Variants in NALF1 observed in about 807,000 individuals in gnomAD.
The protein encoded by NALF1 is NALCN channel auxiliary factor 1, also known as family with sequence similarity 155 member A.
NALF1 carries 3 observed loss-of-function variants against 48.4 expected under a neutral mutation model. The ratio of observed to expected loss-of-function variants is 0.06; its 90% CI spans 0.03 to 0.16. The LOEUF is 0.16. Ranked by LOEUF, NALF1 falls within the 10% of genes least tolerant of loss-of-function variation. The probability of loss-of-function intolerance (pLI) is 1.00; values close to 1 mark genes in which losing one functional copy is unlikely to be tolerated. For missense variants in NALF1, 526 were observed against 571.5 expected, an observed-to-expected ratio of 0.92 and a Z score of 0.81; for synonymous variants, 262 against 245.7, an observed-to-expected ratio of 1.07 and a Z score of -0.62.
intron 1 of NALF1, among the ~76,000 whole-genome samples, chr13:107,260,324 T>G (rs540150639): frequency 6.6e-6 from 1 of 152,308 alleles, no homozygotes; most frequent in African/African-American, 2.4e-5. Flanking sequence ...AAGACTGAGG[T>G]TTAAAACGGT....
At chr13:107,764,677 G>A (rs1007106190) in intron 1 of NALF1, among the ~76,000 whole-genome samples, 1 of 152,218 alleles carries the variant, frequency 6.6e-6, no homozygotes, top group Admixed American at 6.5e-5. Context: ...AATGCATCAT[G>A]GTTAATATTG....
chr13:107,513,972 G>A (rs1413255812), intron 1 of NALF1, among the ~76,000 whole-genome samples: 1 of 152,078 alleles, frequency 6.6e-6, no homozygotes, highest in Non-Finnish European at 1.5e-5. Flanking sequence ...TTATGGAGAG[G>A]GCACCAGAAG....
At chr13:107,690,084 G>T (rs1404162701) in intron 1 of NALF1, among the ~76,000 whole-genome samples, 2 of 152,148 alleles carry the variant, frequency 1.3e-5, no homozygotes, top group Non-Finnish European at 2.9e-5. Flanking sequence ...ATCCTTGCAA[G>T]TAAGTCTTAT....
chr13:107,654,754 A>G (rs1880534161), intron 1 of NALF1, among the ~76,000 whole-genome samples: 2 of 152,086 alleles, frequency 1.3e-5, no homozygotes, highest in Admixed American at 1.3e-4. Context: ...CCTCAATAAA[A>G]TACTAGCAAA....
At chr13:107,403,691 G>A (rs1255805400) in intron 1 of NALF1, among the ~76,000 whole-genome samples, 1 of 149,204 alleles carries the variant, frequency 6.7e-6, no homozygotes, top group African/African-American at 2.5e-5. Context: ...TCTTCCACAA[G>A]GAAATAGAAG....
At chr13:107,473,678 C>A (rs986892439) in intron 1 of NALF1, among the ~76,000 whole-genome samples, 1 of 152,192 alleles carries the variant, frequency 6.6e-6, no homozygotes, top group African/African-American at 2.4e-5. Context: ...CAGACCATCT[C>A]AGATTTAGAT....
At chr13:107,554,630 C>T (rs1462495198) in intron 1 of NALF1, among the ~76,000 whole-genome samples, 2 of 152,182 alleles carry the variant, frequency 1.3e-5, no homozygotes, top group Admixed American at 6.5e-5. Flanking sequence ...CAGGCCCTGG[C>T]CCCCATCAGA....
At chr13:107,328,465 C>T (rs1465904542) in intron 1 of NALF1, among the ~76,000 whole-genome samples, 1 of 152,134 alleles carries the variant, frequency 6.6e-6, no homozygotes, top group East Asian at 1.9e-4. Flanking sequence ...TTTATCACAA[C>T]TTAAACTCCA....
chr13:107,305,114 TC>T (rs1881910074), intron 1 of NALF1, among the ~76,000 whole-genome samples: 1 of 152,186 alleles, frequency 6.6e-6, no homozygotes, highest in South Asian at 2.1e-4. Flanking sequence ...AGCCTCACAC[TC>T]CCCAGTTAGC....
At chr13:107,806,059 G>T (rs1878777078) in intron 1 of NALF1, among the ~76,000 whole-genome samples, 1 of 152,154 alleles carries the variant, frequency 6.6e-6, no homozygotes, top group African/African-American at 2.4e-5. Flanking sequence ...CATCCCTTTT[G>T]TAACAGTTTC....
intron 1 of NALF1, among the ~76,000 whole-genome samples, chr13:107,708,373 CA>C (rs1172394024): frequency 6.6e-6 from 1 of 152,152 alleles, no homozygotes; most frequent in Non-Finnish European, 1.5e-5. Flanking sequence ...CCATTCCTAA[CA>C]AATGCAGTCA....
intron 1 of NALF1, among the ~76,000 whole-genome samples, chr13:107,634,082 C>T (rs540400849): frequency 6.6e-6 from 1 of 151,748 alleles, no homozygotes; most frequent in Non-Finnish European, 1.5e-5. Context: ...TACTTTAGTC[C>T]TTTATGAAAT....
chr13:107,215,630 C>A (rs1261958152), intron 1 of NALF1, among the ~76,000 whole-genome samples: 2 of 152,130 alleles, frequency 1.3e-5, no homozygotes, highest in Non-Finnish European at 2.9e-5. Context: ...AAATGCGTTA[C>A]ATGCAAATCT....
chr13:107,260,902 T>C (rs1403066185), intron 1 of NALF1, among the ~76,000 whole-genome samples: 1 of 152,168 alleles, frequency 6.6e-6, no homozygotes, highest in Middle Eastern at 3.2e-3. Context: ...TTAACATGCT[T>C]CTCTTCCAAG....
intron 2 of NALF1, among the ~76,000 whole-genome samples, chr13:107,206,671 A>T (rs1879650638): frequency 6.6e-6 from 1 of 152,178 alleles, no homozygotes; most frequent in African/African-American, 2.4e-5. Context: ...TAGGACAATG[A>T]CAGGAAGAAC....
At chr13:107,635,082 G>T (rs2138452225) in intron 1 of NALF1, among the ~76,000 whole-genome samples, 1 of 152,236 alleles carries the variant, frequency 6.6e-6, no homozygotes, top group Middle Eastern at 3.4e-3. Flanking sequence ...ATACGAATAT[G>T]TGAGTATCTT....
chr13:107,856,548 T>C (rs916414771), intron 1 of NALF1, among the ~76,000 whole-genome samples: 1 of 152,196 alleles, frequency 6.6e-6, no homozygotes, highest in African/African-American at 2.4e-5. Context: ...TTTAAATTAT[T>C]CTCACTGATA....
chr13:107,671,487 T>C (rs887521219), intron 1 of NALF1, among the ~76,000 whole-genome samples: 7 of 152,028 alleles, frequency 4.6e-5, no homozygotes, highest in African/African-American at 1.2e-4. Context: ...GTAAAAATGA[T>C]TGGAAGAAAA....
At chr13:107,757,884 T>C (rs1350478772) in intron 1 of NALF1, among the ~76,000 whole-genome samples, 2 of 152,244 alleles carry the variant, frequency 1.3e-5, no homozygotes, top group Non-Finnish European at 2.9e-5. Context: ...TGTAATTACA[T>C]CATCCTTGAT....
Sources: allele counts gnomAD v4.1 joint callset (sites outside exome capture counted in the v4.1 genomes callset), GRCh38; gene constraint gnomAD v4.1.1; transcripts MANE v1.5; gene names NCBI Gene and HGNC (gene_info 2026-07-23, HGNC 2026-07-21).